The following UBAP1 variants were observed in gnomAD, a reference collection of about 807,000 sequenced individuals.
UBAP1 encodes ubiquitin-associated protein 1.
UBAP1 carries 5 observed loss-of-function variants against 39.0 expected under a neutral mutation model. The ratio of observed to expected loss-of-function variants is 0.13; its 90% CI spans 0.07 to 0.27. UBAP1 has a LOEUF of 0.27. Ranked by LOEUF, UBAP1 falls within the 10% of genes least tolerant of loss-of-function variation. UBAP1 has a pLI of 1.00. For synonymous variants in UBAP1, 211 were observed against 225.1 expected (o/e 0.94, Z 0.56); for missense variants, 490 against 608.1 (o/e 0.81, Z 2.04).
intron 1 of UBAP1, among the ~76,000 whole-genome samples, chr9:34,218,160 G>A (rs1302179208): frequency 1.3e-5 from 2 of 148,668 alleles, no homozygotes; most frequent in African/African-American, 2.5e-5. Context: ...GCTGAGGCAG[G>A]AGAATGGCTT....
Position 34,241,850 on chromosome 9 carries a change from C to T in UBAP1, c.825C>T (p.Asp275=). 1 of 1,614,128 alleles carries T rather than the reference C, an allele frequency of 6.2e-7. No individual in the cohort carries two copies. Among genetic ancestry groups the T allele is most frequent in the Non-Finnish European group, 8.5e-7 (1 of 1,180,026 alleles). Reference sequence around the variant, plus strand: ...CTTTCCCCAAACTTGACTCTGATGACAGCAATCAGAAGACAGCCAAGCTGG... The same window carrying T: ...CTTTCCCCAAACTTGACTCTGATGATAGCAATCAGAAGACAGCCAAGCTGG... ...SLSFPKLDSD[D]SNQKTAKLAS... The change falls in exon 4 of 7, where the codon GAC becomes GAT. Residue 275 remains aspartate, a synonymous_variant. Transcript: ENST00000297661.
intron 1 of UBAP1, among the ~76,000 whole-genome samples, chr9:34,195,852 T>C (rs897023142): frequency 1.3e-5 from 2 of 149,608 alleles, no homozygotes; most frequent in African/African-American, 2.5e-5. Flanking sequence ...CTGCCTCGGC[T>C]TCCCAAAGTG....
At chr9:34,250,577 C>A (rs1248939408) in intron 5 of UBAP1, 81 bp from the exon 6 acceptor site, 1 of 1,152,840 alleles carries the variant, frequency 8.7e-7, no homozygotes, top group Non-Finnish European at 1.3e-6. Context: ...GAACGGACTT[C>A]ACACACTAGT....
intron 3 of UBAP1, among the ~76,000 whole-genome samples, chr9:34,238,515 C>T (rs10972014): frequency 0.023 from 3,439 of 152,272 alleles, 139 homozygotes; most frequent in African/African-American, 0.079. Context: ...ACTTCCTTGC[C>T]CACTCTTATT....
At chr9:34,194,604 G>A (rs1164344355) in intron 1 of UBAP1, among the ~76,000 whole-genome samples, 4 of 151,974 alleles carry the variant, frequency 2.6e-5, no homozygotes, top group South Asian at 2.1e-4. Context: ...GTGAGCCACC[G>A]CACCTGACCA....
intron 2 of UBAP1, among the ~76,000 whole-genome samples, chr9:34,232,798 G>C (rs1383395988): frequency 6.6e-6 from 1 of 152,228 alleles, no homozygotes; most frequent in East Asian, 1.9e-4. Context: ...GTGAGGCTGA[G>C]AGGTAAACCT....
chr9:34,215,830 T>C (rs1236334138), intron 1 of UBAP1, among the ~76,000 whole-genome samples: 1 of 151,992 alleles, frequency 6.6e-6, no homozygotes, highest in Non-Finnish European at 1.5e-5. Flanking sequence ...CCTAAATAGG[T>C]ATTAAAATGC....
At chr9:34,201,704 C>T (rs1831379537) in intron 1 of UBAP1, among the ~76,000 whole-genome samples, 1 of 152,130 alleles carries the variant, frequency 6.6e-6, no homozygotes, top group Non-Finnish European at 1.5e-5. Context: ...CAAGCAGCTG[C>T]CACCAGTTGG....
chr9:34,237,309 A>G (rs750448705), intron 3 of UBAP1, among the ~76,000 whole-genome samples: 8 of 152,210 alleles, frequency 5.3e-5, no homozygotes, highest in African/African-American at 9.6e-5. Flanking sequence ...AGCAACAGAA[A>G]AATATGGTAC....
intron 1 of UBAP1, among the ~76,000 whole-genome samples, chr9:34,200,293 T>G (rs1274514917): frequency 6.6e-6 from 1 of 152,218 alleles, no homozygotes; most frequent in Non-Finnish European, 1.5e-5. Flanking sequence ...GTTTTATCTT[T>G]GGCCATTGAG....
intron 1 of UBAP1, among the ~76,000 whole-genome samples, chr9:34,196,065 G>A (rs1270976812): frequency 1.4e-5 from 2 of 143,486 alleles, no homozygotes; most frequent in East Asian, 4.3e-4. Flanking sequence ...ACACAAACAC[G>A]CTACCATGTC....
intron 4 of UBAP1, among the ~76,000 whole-genome samples, chr9:34,243,547 G>A (rs1271249224): frequency 6.6e-6 from 1 of 151,450 alleles, no homozygotes; most frequent in Non-Finnish European, 1.5e-5. Flanking sequence ...ATGTAGTGGT[G>A]TGATCTCTGC....
chr9:34,218,548 C>T (rs73494707), intron 1 of UBAP1, among the ~76,000 whole-genome samples: 1,609 of 152,138 alleles, frequency 0.011, 25 homozygotes, highest in African/African-American at 0.036. Context: ...GTTTAGATAC[C>T]GCTACTTTCC....
rs1032727876 is a variant in UBAP1 at position 34,182,217 on chromosome 9, C to T, written c.-8+2977C>T. Among the ~76,000 whole-genome samples the T allele has an allele frequency of 7.6e-5, 11 of 145,434 alleles. 1 individual carries two copies. Among genetic ancestry groups the T allele is most frequent in the African/African-American group, 2.9e-4 (11 of 37,578 alleles). On this transcript the variant is annotated intron_variant, in intron 1 of 6. Coordinates refer to ENST00000297661, the MANE Select transcript of UBAP1 (RefSeq NM_016525.5). The stretch of plus-strand genomic sequence containing the variant: ...ATTTATTTATTGAGACTGAGTCTCG[C>T]ACTGTTGCCCAGGCTGGAGTGCTGT...
chr9:34,215,578 G>T (rs1171732469), intron 1 of UBAP1, among the ~76,000 whole-genome samples: 1 of 151,948 alleles, frequency 6.6e-6, no homozygotes, highest in Non-Finnish European at 1.5e-5. Context: ...CAAATAGGGT[G>T]CAGCGTATAC....
intron 1 of UBAP1, among the ~76,000 whole-genome samples, chr9:34,179,553 G>A (rs1829901109): frequency 6.6e-6 from 1 of 152,088 alleles, no homozygotes; most frequent in African/African-American, 2.4e-5. Context: ...TGAGAACTCG[G>A]TGGGAACTAG....
chr9:34,189,605 G>C (rs981197140), intron 1 of UBAP1, among the ~76,000 whole-genome samples: 3 of 152,108 alleles, frequency 2.0e-5, no homozygotes, highest in Non-Finnish European at 2.9e-5. Context: ...TTTAGGGGTA[G>C]TTTGTGAACT....
At chr9:34,185,583 T>C (rs1830363870) in intron 1 of UBAP1, among the ~76,000 whole-genome samples, 1 of 151,910 alleles carries the variant, frequency 6.6e-6, no homozygotes, top group South Asian at 2.1e-4. Flanking sequence ...CTGTGGGTCA[T>C]GCCTGTAATC....
intron 2 of UBAP1, among the ~76,000 whole-genome samples, chr9:34,221,576 G>GGTCAT (rs1171944900): frequency 2.7e-5 from 4 of 150,200 alleles, no homozygotes; most frequent in African/African-American, 9.8e-5. Flanking sequence ...CCTGTTCCTT[G>GGTCAT]GTCATAGCTC....
Sources: allele counts gnomAD v4.1 joint callset (sites outside exome capture counted in the v4.1 genomes callset), GRCh38; gene constraint gnomAD v4.1.1; transcripts MANE v1.5; gene names NCBI Gene and HGNC (gene_info 2026-07-23, HGNC 2026-07-21).